MSL3B: variants seen among roughly 807,000 people sequenced by gnomAD.
The protein encoded by MSL3B is MSL complex subunit 3B, also known as MSL complex subunit 3 pseudogene 1.
the MSL3B span, chr2:233,866,467 CCCTT>C: frequency 7.9e-7 from 1 of 1,270,974 alleles, no homozygotes; most frequent in Non-Finnish European, 1.1e-6. Context: ...ACACAGGACT[CCCTT>C]CCTGGCTAGG....
chr2:233,865,846 C>G, the MSL3B span: 1 of 279,326 alleles, frequency 3.6e-6, no homozygotes, highest in Non-Finnish European at 6.9e-6. Context: ...ATGTACACTT[C>G]CATGAACATT....
the MSL3B span, chr2:233,867,365 C>CA: frequency 3.4e-6 from 2 of 591,638 alleles, no homozygotes; most frequent in Admixed American, 2.9e-5. Flanking sequence ...TAAAAAAAGA[C>CA]AGAGTCAGCA....
the MSL3B span, chr2:233,867,357 A>G: frequency 1.6e-6 from 1 of 606,862 alleles, no homozygotes; most frequent in Non-Finnish European, 3.0e-6. Context: ...AGGCCTTTTA[A>G]AAAAAGACAG....
chr2:233,866,272 C>A, the MSL3B span: 2 of 737,326 alleles, frequency 2.7e-6, no homozygotes, highest in South Asian at 2.7e-5. Context: ...CCTTCAGATT[C>A]TTCTCAGTAA....
At chr2:233,866,316 CA>C in the MSL3B span, 1 of 798,358 alleles carries the variant, frequency 1.3e-6, no homozygotes, top group Admixed American at 1.7e-5. Flanking sequence ...GGAAGTTTGA[CA>C]AACAATCGCA....
At chr2:233,867,462 A>G in the MSL3B span, 2 of 387,990 alleles carry the variant, frequency 5.2e-6, no homozygotes, top group East Asian at 6.4e-5. Context: ...GTAATCTACG[A>G]ATTTCTTTCT....
At chr2:233,867,690 C>G in the MSL3B span, among the ~76,000 whole-genome samples, 75 of 151,600 alleles carry the variant, frequency 4.9e-4, no homozygotes, top group African/African-American at 1.8e-3. Flanking sequence ...GTTGGCCAGG[C>G]GGGTCTCAAA....
chr2:233,868,105 G>A, the MSL3B span: 145,011 of 318,636 alleles, frequency 0.46, 36,376 homozygotes, highest in Non-Finnish European at 0.52. Context: ...GATTTTCACT[G>A]GGCTCACGAA....
chr2:233,864,769 A>G, the MSL3B span, among the ~76,000 whole-genome samples: 2 of 152,204 alleles, frequency 1.3e-5, no homozygotes, highest in East Asian at 3.9e-4. Context: ...TTATTTTTAC[A>G]TATTAAGTCT....
the MSL3B span, chr2:233,865,837 T>G: frequency 3.9e-6 from 1 of 256,174 alleles, no homozygotes; most frequent in Non-Finnish European, 7.6e-6. Flanking sequence ...GCCTAACCTA[T>G]GTACACTTCC....
At chr2:233,868,203 C>T in the MSL3B span, 2 of 456,912 alleles carry the variant, frequency 4.4e-6, no homozygotes. Flanking sequence ...CTGCCTTTTT[C>T]GCCTTTCCCA....
the MSL3B span, chr2:233,866,307 G>T: frequency 3.8e-6 from 3 of 783,002 alleles, no homozygotes; most frequent in Admixed American, 5.2e-5. Context: ...AGAATTTCTG[G>T]AAGTTTGACA....
At chr2:233,865,902 A>G in the MSL3B span, 1 of 319,628 alleles carries the variant, frequency 3.1e-6, no homozygotes, top group East Asian at 8.5e-5. Context: ...GATGGCCTAC[A>G]AAGTAGCAAG....
chr2:233,867,849 A>G, the MSL3B span, among the ~76,000 whole-genome samples: 1 of 133,674 alleles, frequency 7.5e-6, no homozygotes, highest in Non-Finnish European at 1.6e-5. Flanking sequence ...CTAGAGTGCA[A>G]TGGCGATCTC....
chr2:233,866,580 G>T, the MSL3B span: 1 of 870,762 alleles, frequency 1.1e-6, no homozygotes, highest in Non-Finnish European at 2.0e-6. Flanking sequence ...TGCTGCCAGC[G>T]CTTGGGCTGA....
At chr2:233,864,700 A>G in the MSL3B span, among the ~76,000 whole-genome samples, 1 of 152,228 alleles carries the variant, frequency 6.6e-6, no homozygotes, top group African/African-American at 2.4e-5. Flanking sequence ...AATGTATCTA[A>G]AATATTGTCA....
chr2:233,868,340 C>G, the MSL3B span: 1 of 176,334 alleles, frequency 5.7e-6, no homozygotes, highest in Non-Finnish European at 1.3e-5. Flanking sequence ...AGTTAAAAGG[C>G]CTCCTCCGTC....
At chr2:233,868,032 A>G in the MSL3B span, 30 of 226,826 alleles carry the variant, frequency 1.3e-4, no homozygotes, top group East Asian at 2.1e-3. Flanking sequence ...CTCGTGATCC[A>G]CCCGCCTCCG....
At chr2:233,866,977 G>A in the MSL3B span, 6 of 1,333,652 alleles carry the variant, frequency 4.5e-6, no homozygotes, top group East Asian at 2.3e-5. Flanking sequence ...GCACGTTCAT[G>A]CTGGCATGTG....
Sources: allele counts gnomAD v4.1 joint callset (sites outside exome capture counted in the v4.1 genomes callset), GRCh38; gene constraint gnomAD v4.1.1; transcripts MANE v1.5; gene names NCBI Gene and HGNC (gene_info 2026-07-23, HGNC 2026-07-21).